The following CNTNAP2 variants were observed in gnomAD, a reference collection of about 807,000 sequenced individuals.
CNTNAP2 encodes contactin associated protein 2.
Under a neutral mutation model 155.2 loss-of-function variants are expected in CNTNAP2, and 98 were observed. The ratio of observed to expected loss-of-function variants is 0.63; its 90% CI spans 0.54 to 0.75. The LOEUF (loss-of-function observed/expected upper bound fraction) is 0.75, where lower values mean the gene tolerates loss of function less well. Ranked by LOEUF, CNTNAP2 falls within the 30% of genes least tolerant of loss-of-function variation. The probability of loss-of-function intolerance (pLI) is 0.00; values close to 1 mark genes in which losing one functional copy is unlikely to be tolerated. For synonymous variants in CNTNAP2, 651 were observed against 631.2 expected (o/e 1.03, Z -0.47); for missense variants, 1,727 against 1,688.1 (o/e 1.02, Z -0.40).
chr7:148,317,851 G>A (rs1413503895), intron 21 of CNTNAP2, among the ~76,000 whole-genome samples: 5 of 151,996 alleles, frequency 3.3e-5, no homozygotes, highest in African/African-American at 7.3e-5. Context: ...CAGGCACCAC[G>A]CCCGGCTAAT....
chr7:146,827,986 A>G lies in CNTNAP2; in HGVS notation c.209-11725A>G, dbSNP rs1302721468. Among the ~76,000 whole-genome samples the G allele has an allele frequency of 4.6e-5, 7 of 152,118 alleles. 1 individual carries two copies. The highest frequency in any genetic ancestry group is 3.9e-4 in the East Asian group (2 of 5,192). ...CATTTCTGTGAATAAAATATATGAC[A>G]TATCTGGTTTTCCATATGGTAAAAT... is the stretch of plus-strand genomic sequence containing the variant. On this transcript the variant is annotated intron_variant, in intron 2 of 23. Transcript: ENST00000361727.
chr7:146,635,214 T>TA (rs1799577718), intron 1 of CNTNAP2, among the ~76,000 whole-genome samples: 2 of 152,206 alleles, frequency 1.3e-5, no homozygotes, highest in African/African-American at 4.8e-5. Flanking sequence ...TAGTAGTGTA[T>TA]AAAAATCTAA....
At chr7:147,507,395 C>T (rs1584778686) in intron 11 of CNTNAP2, among the ~76,000 whole-genome samples, 2 of 152,074 alleles carry the variant, frequency 1.3e-5, no homozygotes, top group South Asian at 4.1e-4. Context: ...ACCCGCTCCT[C>T]CCCACACCAG....
At chr7:147,697,707 T>G (rs568789382) in intron 13 of CNTNAP2, among the ~76,000 whole-genome samples, 2 of 152,174 alleles carry the variant, frequency 1.3e-5, no homozygotes, top group East Asian at 3.9e-4. Context: ...AGCTGTGCAT[T>G]TCCCCTCCCC....
intron 21 of CNTNAP2, among the ~76,000 whole-genome samples, chr7:148,293,910 C>G (rs1797235880): frequency 6.6e-6 from 1 of 151,856 alleles, no homozygotes; most frequent in African/African-American, 2.4e-5. Context: ...TGGCGCATTA[C>G]TATAATCGCA....
chr7:146,285,684 A>C (rs1383693485), intron 1 of CNTNAP2, among the ~76,000 whole-genome samples: 173 of 20,940 alleles, frequency 8.3e-3, no homozygotes, highest in Admixed American at 0.011. Flanking sequence ...CTCTTCCCTC[A>C]TCTCCCTTCC....
chr7:147,031,382 C>T (rs1477317562), intron 3 of CNTNAP2, among the ~76,000 whole-genome samples: 1 of 152,148 alleles, frequency 6.6e-6, no homozygotes, highest in Non-Finnish European at 1.5e-5. Context: ...AGAAATTCTT[C>T]TCCTAGGCAT....
intron 1 of CNTNAP2, among the ~76,000 whole-genome samples, chr7:146,260,242 T>C (rs564900283): frequency 1.3e-5 from 2 of 152,342 alleles, no homozygotes; most frequent in South Asian, 2.1e-4. Flanking sequence ...ATTTACTTCA[T>C]GGGCAGAGCC....
At chr7:147,524,694 T>G (rs765449259) in intron 11 of CNTNAP2, among the ~76,000 whole-genome samples, 11 of 152,206 alleles carry the variant, frequency 7.2e-5, no homozygotes, top group Non-Finnish European at 1.0e-4. Context: ...TCAGTGGACC[T>G]CAAAGCAGCC....
intron 2 of CNTNAP2, among the ~76,000 whole-genome samples, chr7:146,785,807 C>G (rs373030983): frequency 3.0e-4 from 45 of 152,282 alleles, no homozygotes; most frequent in African/African-American, 1.1e-3. Flanking sequence ...GAACAGAGAC[C>G]ATGAGGATAA....
chr7:147,486,775 C>T (rs192684282), intron 11 of CNTNAP2, among the ~76,000 whole-genome samples: 2 of 152,118 alleles, frequency 1.3e-5, no homozygotes, highest in East Asian at 3.9e-4. Context: ...AATAATGCAT[C>T]GCCATTTGCA....
intron 21 of CNTNAP2, among the ~76,000 whole-genome samples, chr7:148,326,973 G>A (rs149493580): frequency 1.5e-3 from 228 of 152,296 alleles, no homozygotes; most frequent in Non-Finnish European, 2.8e-3. Context: ...GGTAAACAAG[G>A]CAGCTTCCTT....
At chr7:146,133,381 G>T (rs1378009537) in intron 1 of CNTNAP2, among the ~76,000 whole-genome samples, 1 of 152,054 alleles carries the variant, frequency 6.6e-6, no homozygotes, top group Non-Finnish European at 1.5e-5. Flanking sequence ...CACTCTGATG[G>T]TTGTTTCTTT....
chr7:146,200,311 T>C (rs993575359), intron 1 of CNTNAP2, among the ~76,000 whole-genome samples: 2 of 152,004 alleles, frequency 1.3e-5, no homozygotes, highest in African/African-American at 4.8e-5. Context: ...CTGGCCCACA[T>C]GGTGAAACCC....
At chr7:148,002,306 T>A (rs1265137317) in intron 15 of CNTNAP2, among the ~76,000 whole-genome samples, 1 of 152,208 alleles carries the variant, frequency 6.6e-6, no homozygotes, top group Non-Finnish European at 1.5e-5. Flanking sequence ...ATCAGGAACT[T>A]CATAAAGCTT....
chr7:146,366,753 A>C (rs1157683468), intron 1 of CNTNAP2, among the ~76,000 whole-genome samples: 2 of 152,166 alleles, frequency 1.3e-5, no homozygotes, highest in Non-Finnish European at 1.5e-5. Context: ...ACTGAATATA[A>C]GAATTGTGGA....
At chr7:146,509,026 A>C (rs1797428011) in intron 1 of CNTNAP2, among the ~76,000 whole-genome samples, 1 of 152,158 alleles carries the variant, frequency 6.6e-6, no homozygotes, top group African/African-American at 2.4e-5. Context: ...CTGCACACAG[A>C]TTGACAGTGG....
chr7:147,418,402 G>C (rs1020783570), intron 10 of CNTNAP2, among the ~76,000 whole-genome samples: 14 of 152,076 alleles, frequency 9.2e-5, no homozygotes, highest in Non-Finnish European at 2.1e-4. Flanking sequence ...CATAAGCCAC[G>C]GTATCCCTTT....
At chr7:146,434,246 A>G (rs1363397294) in intron 1 of CNTNAP2, among the ~76,000 whole-genome samples, 1 of 152,148 alleles carries the variant, frequency 6.6e-6, no homozygotes, top group Non-Finnish European at 1.5e-5. Flanking sequence ...GGTTGGTTCT[A>G]CTCAATAAAG....
Sources: allele counts gnomAD v4.1 joint callset (sites outside exome capture counted in the v4.1 genomes callset), GRCh38; gene constraint gnomAD v4.1.1; transcripts MANE v1.5; gene names NCBI Gene and HGNC (gene_info 2026-07-23, HGNC 2026-07-21).